HERC5: variants seen among roughly 807,000 people sequenced by gnomAD.
HERC5 encodes the protein HECT and RLD domain containing E3 ubiquitin protein ligase 5, also known as E3 ISG15--protein ligase HERC5.
HERC5 carries 99 observed loss-of-function variants against 119.6 expected under a neutral mutation model. The observed-to-expected ratio is 0.83, with a 90% CI of 0.70 to 0.98. HERC5 has a LOEUF of 0.98. Ranked by LOEUF, HERC5 falls within the 50% of genes least tolerant of loss-of-function variation. The probability of loss-of-function intolerance (pLI) is 0.00; values close to 1 mark genes in which losing one functional copy is unlikely to be tolerated. For synonymous variants in HERC5, 478 were observed against 445.9 expected (o/e 1.07, Z -0.91); for missense variants, 1,267 against 1,241.3 (o/e 1.02, Z -0.31).
intron 6 of HERC5, among the ~76,000 whole-genome samples, chr4:88,466,840 A>G (rs2149089345): frequency 6.6e-6 from 1 of 152,302 alleles, no homozygotes; most frequent in Non-Finnish European, 1.5e-5. Context: ...AGGGAACACC[A>G]TTTGCCAAAG....
At chr4:88,498,945 C>G (rs1056801395) in intron 18 of HERC5, among the ~76,000 whole-genome samples, 4 of 152,124 alleles carry the variant, frequency 2.6e-5, no homozygotes, top group Non-Finnish European at 5.9e-5. Flanking sequence ...CACCGCCTTC[C>G]CCACAAAAAC....
At chr4:88,478,507 T>C (rs1023940081) in intron 12 of HERC5, among the ~76,000 whole-genome samples, 1 of 152,230 alleles carries the variant, frequency 6.6e-6, no homozygotes. Context: ...TCAACAAGTT[T>C]AGAGATCTAC....
At chr4:88,458,775 A>G (rs539125604) in intron 1 of HERC5, among the ~76,000 whole-genome samples, 16 of 152,256 alleles carry the variant, frequency 1.1e-4, no homozygotes, top group African/African-American at 3.8e-4. Context: ...TTAATCTCTT[A>G]ACTTCAGAAA....
At chr4:88,483,826 G>T (rs1273458938) in intron 13 of HERC5, among the ~76,000 whole-genome samples, 3 of 152,132 alleles carry the variant, frequency 2.0e-5, no homozygotes, top group Admixed American at 6.5e-5. Context: ...CATTGCGCCT[G>T]GCCTTCTATT....
chr4:88,457,489 C>A lies in HERC5; in HGVS notation c.220C>A (p.Gln74Lys). 1 of 1,318,494 alleles carries A rather than the reference C, an allele frequency of 7.6e-7. No homozygotes were observed. Among genetic ancestry groups the A allele is most frequent in the East Asian group, 2.9e-5 (1 of 34,276 alleles). The allele number at this position is 1,318,494 out of a possible 1,614,324, so 81.7% of individuals were successfully genotyped here. ...CTTGGAACGCGGCGGGGCGGGCGTC[C>A]AGGTTCACCAGCTGCTCGCCGGGAG... ...AVLERGGAGV[Q>K]VHQLLAGSGG... The change falls in exon 1 of 23, where the codon CAG becomes AAG. Residue 74 changes from glutamine (Q) to lysine (K), a missense_variant. Coordinates refer to ENST00000264350, the MANE Select transcript of HERC5 (RefSeq NM_016323.4).
chr4:88,468,249 G>T, intron 7 of HERC5, 97 bp from the exon 8 acceptor site: 1 of 839,306 alleles, frequency 1.2e-6, no homozygotes, highest in South Asian at 1.8e-5. Context: ...AAGAAAAGAT[G>T]ACTACGTTTA....
In HERC5 at chr4:88,457,430, G is replaced by A; in HGVS notation, c.161G>A (p.Arg54His). 7.4e-7 allele frequency: 1 copy of A among 1,358,536 alleles called. No homozygotes were observed. Among genetic ancestry groups the A allele is most frequent in the South Asian group, 1.8e-5 (1 of 54,134 alleles). The allele number at this position is 1,358,536 out of a possible 1,614,324, so 84.2% of individuals were successfully genotyped here. ...CTGCTCCGGAGGGTGGAGGTGACGC[G>A]CCAACTCTGCTGCTCGCCGGGGCGC... ...RALLRRVEVT[R>H]QLCCSPGRLA... The change falls in exon 1 of 23, where the codon CGC becomes CAC. Residue 54 changes from arginine to histidine, a missense_variant. Around this residue, in one of 3 missense-constraint regions of HERC5, gnomAD observed 777 missense variants for 758.0 expected, o/e 1.03. Coordinates refer to ENST00000264350, the MANE Select transcript of HERC5 (RefSeq NM_016323.4).
chr4:88,475,284 A>G (rs547184025), intron 11 of HERC5, among the ~76,000 whole-genome samples: 54 of 148,334 alleles, frequency 3.6e-4, no homozygotes, highest in Admixed American at 1.2e-3. Context: ...TTGTTCATTG[A>G]GTGTAATTCT....
rs753618416 is a variant in HERC5, at chr4:88,475,869, T to C, written c.1421T>C (p.Leu474Pro). The C allele has an allele frequency of 2.5e-5, 40 of 1,613,942 alleles. No homozygotes were observed. The highest frequency in any genetic ancestry group is 6.8e-6 in the Non-Finnish European group (8 of 1,179,996). The change falls in exon 12 of 23, where the codon CTC becomes CCC. Residue 474 changes from leucine to proline, a missense_variant. Transcript: ENST00000264350. ...ACCACCTGCCTCAAAGATAATCTGC[T>C]CAAAAGACTTCCATTTCATTCTCCA... ...MITTCLKDNL[L>P]KRLPFHSPPQ...
chr4:88,478,992 A>G (rs1304025084), intron 12 of HERC5, among the ~76,000 whole-genome samples: 1 of 152,122 alleles, frequency 6.6e-6, no homozygotes, highest in Non-Finnish European at 1.5e-5. Flanking sequence ...GTAGACCTCA[A>G]ATATACCCAA....
intron 15 of HERC5, 109 bp downstream of exon 15, chr4:88,487,288 G>C (rs970750580): frequency 1.7e-6 from 1 of 598,954 alleles, no homozygotes; most frequent in Non-Finnish European, 3.0e-6. Context: ...GAAACCAATG[G>C]TTGTGGCATT....
intron 7 of HERC5, chr4:88,468,001 C>A: frequency 2.3e-6 from 1 of 431,756 alleles, no homozygotes; most frequent in Non-Finnish European, 3.1e-6. Flanking sequence ...TTATAGCCAG[C>A]AGTCATTGCT....
At chr4:88,495,779 T>A (rs920531175) in intron 18 of HERC5, among the ~76,000 whole-genome samples, 3 of 152,086 alleles carry the variant, frequency 2.0e-5, no homozygotes, top group African/African-American at 7.2e-5. Flanking sequence ...GCACAAGATT[T>A]AGAAAGAAGG....
At chr4:88,504,979 A>G (rs1304722425) in intron 22 of HERC5, among the ~76,000 whole-genome samples, 1 of 152,104 alleles carries the variant, frequency 6.6e-6, no homozygotes, top group Non-Finnish European at 1.5e-5. Context: ...CAGCTATTTT[A>G]TTTGTATCTT....
intron 18 of HERC5, among the ~76,000 whole-genome samples, chr4:88,495,144 T>C (rs1213795627): frequency 6.6e-6 from 1 of 152,246 alleles, no homozygotes; most frequent in Non-Finnish European, 1.5e-5. Context: ...TAATATATAC[T>C]GTATTTATAG....
intron 13 of HERC5, among the ~76,000 whole-genome samples, chr4:88,481,229 T>G (rs986753852): frequency 6.6e-6 from 1 of 152,142 alleles, no homozygotes; most frequent in Non-Finnish European, 1.5e-5. Flanking sequence ...ATTTTTATAT[T>G]TTTTGTAGAG....
At chr4:88,462,425 C>A in intron 4 of HERC5, 69 bp downstream of exon 4, 1 of 1,313,134 alleles carries the variant, frequency 7.6e-7, no homozygotes. Context: ...ATGGACCTCC[C>A]TGTCAAAAAT....
chr4:88,497,457 A>G lies in HERC5; in HGVS notation c.2445-2469A>G, dbSNP rs140375739. Reference sequence around the variant, plus strand: ...TGGAGGAGAGGTGCTCCTTGTTACTATATAAAGTGGCAGAGAATGTGGCTG... The same window carrying G: ...TGGAGGAGAGGTGCTCCTTGTTACTGTATAAAGTGGCAGAGAATGTGGCTG... On this transcript the variant is annotated intron_variant, in intron 18 of 22. Coordinates refer to ENST00000264350, the MANE Select transcript of HERC5 (RefSeq NM_016323.4). Among the ~76,000 whole-genome samples the G allele has an allele frequency of 1.2e-3, 182 of 152,304 alleles. 1 individual carries two copies. The highest frequency in any genetic ancestry group is 4.2e-3 in the African/African-American group (175 of 41,580).
At chr4:88,503,812 A>G (rs1742018205) in intron 20 of HERC5, among the ~76,000 whole-genome samples, 1 of 152,178 alleles carries the variant, frequency 6.6e-6, no homozygotes, top group African/African-American at 2.4e-5. Flanking sequence ...AACGTCTGTA[A>G]TCCCAGCACT....
Sources: allele counts gnomAD v4.1 joint callset (sites outside exome capture counted in the v4.1 genomes callset), GRCh38; gene constraint gnomAD v4.1.1; regional missense constraint gnomAD v4.1.1; transcripts MANE v1.5; gene names NCBI Gene and HGNC (gene_info 2026-07-23, HGNC 2026-07-21).